Variants in HMCN2 observed in about 807,000 individuals in gnomAD.
The protein encoded by HMCN2 is hemicentin-2.
Under a neutral mutation model 377.5 loss-of-function variants are expected in HMCN2, and 325 were observed. That is an observed-to-expected ratio of 0.86 (90% confidence interval 0.79 to 0.94). The LOEUF is 0.94. Among genes scored for constraint, HMCN2 ranks in the 40% least tolerant of loss-of-function variants. HMCN2 has a pLI of 0.00. For missense variants in HMCN2, 4,543 were observed against 4,725.3 expected, an observed-to-expected ratio of 0.96 and a Z score of 1.13; for synonymous variants, 2,007 against 2,046.8, an observed-to-expected ratio of 0.98 and a Z score of 0.53.
rs1258567253 is a variant in HMCN2, at chr9:130,346,095, C to T, written c.3830-1071C>T. Among the ~76,000 whole-genome samples the T allele has an allele frequency of 5.3e-5, 8 of 152,188 alleles. No homozygotes were observed. In the South Asian group the frequency reaches 1.0e-3, roughly 20 times the overall value. ...GATGACCAGCGGTAGCAGCAGAAGG[C>T]GGGTGGGAGTGACGTGCCGATCTGC... On this transcript the variant is annotated intron_variant, in intron 25 of 97. Transcript: ENST00000683500.
Position 130,430,514 on chromosome 9 carries a change from GTC to G in HMCN2, c.14564_14565del (p.Leu4855ProfsTer30), listed in dbSNP as rs1399467726. On this transcript the variant is annotated frameshift_variant, in exon 95 of 98. Transcript: ENST00000683500. LOFTEE classifies it high-confidence loss of function. Reference protein sequence around the residue: ...SIPGTSYHAWVSLRPGPMALS... With the variant: ...SIPGTSYHAWXSLRPGPMALS... ...CCCCGGTACCTCCTACCACGCCTGG[GTC>G]TCTCTCCGTCCGGGTCCCATGGCCC... 4.5e-6 allele frequency: 7 copies of G among 1,550,470 alleles called. No individual in the cohort carries two copies. The Admixed American group carries it at 1.2e-4, about 26-fold the overall frequency.
intron 13 of HMCN2, 105 bp from the exon 14 acceptor site, chr9:130,307,348 G>A (rs1380484808): frequency 8.8e-6 from 4 of 452,892 alleles, no homozygotes; most frequent in Non-Finnish European, 1.8e-5. Context: ...CAAGGAGGCC[G>A]GTGTGGTGAG....
chr9:130,385,744 G>A lies in HMCN2; in HGVS notation c.9291G>A (p.Leu3097=), dbSNP rs1377083615. ...RTQALRGGQR[L]EIQEAQVSDK... ...AGGCTCTGCGGGGTGGGCAGAGGCT[G>A]GAGATCCAGGAAGCCCAGGTGAGCA... Residue 3097 remains leucine, a synonymous_variant, in exon 60 of 98, where the codon CTG becomes CTA. Transcript: ENST00000683500. 18 of 1,303,836 alleles carry A rather than the reference G, an allele frequency of 1.4e-5. No individual in the cohort carries two copies. Among genetic ancestry groups the A allele is most frequent in the Non-Finnish European group, 1.7e-5 (17 of 988,884 alleles). The allele number at this position is 1,303,836 out of a possible 1,614,324, so 80.8% of individuals were successfully genotyped here.
In HMCN2 at chr9:130,386,425, G is replaced by A; in HGVS notation, c.9310-18G>A. On this transcript the variant is annotated intron_variant, in intron 60 of 97. Coordinates refer to ENST00000683500, the MANE Select transcript of HMCN2 (RefSeq NM_001291815.2). ...TCCAGCTCCAGCACACAGCCACTGT[G>A]TGCTCTTCCTCTTTCAGGTATCGGA... The A allele has an allele frequency of 7.7e-7, 1 of 1,300,298 alleles. No homozygotes were observed. The highest frequency in any genetic ancestry group is 1.0e-6 in the Non-Finnish European group (1 of 986,636). The allele number at this position is 1,300,298 out of a possible 1,614,324, so 80.5% of individuals were successfully genotyped here. A position where few individuals can be genotyped will look rare whatever the true frequency, so the allele number is the denominator to read the frequency against.
rs75177940 is a variant in HMCN2 at position 130,423,007 on chromosome 9, C to T, written c.13381+281C>T. ...TGAAACGGTCAGTGTTCTGGGGGTG[C>T]GGGCGCTCAGATTGTGGTTTCCCAA... On this transcript the variant is annotated intron_variant, in intron 87 of 97. Coordinates refer to ENST00000683500, the MANE Select transcript of HMCN2 (RefSeq NM_001291815.2). This position sits in a 1 kb window ranked among gnomAD's most constrained non-coding sequence, Gnocchi z 5.5. 0.016 allele frequency among the ~76,000 whole-genome samples: 2,485 copies of T among 152,198 alleles called. 32 individuals are homozygous for T. Among genetic ancestry groups the T allele is most frequent in the East Asian group, 0.068 (353 of 5,176 alleles).
intron 4 of HMCN2, among the ~76,000 whole-genome samples, chr9:130,289,798 C>T (rs1554929364): frequency 1.3e-5 from 2 of 152,162 alleles, no homozygotes. Context: ...TGGCAAGGGG[C>T]AAAACCCCCT....
intron 22 of HMCN2, among the ~76,000 whole-genome samples, chr9:130,331,867 G>C (rs1309259446): frequency 6.6e-6 from 1 of 152,168 alleles, no homozygotes. Context: ...TAATCCCAGC[G>C]CGGTGTGGGG....
intron 25 of HMCN2, among the ~76,000 whole-genome samples, chr9:130,344,014 G>T (rs1839203161): frequency 6.6e-6 from 1 of 152,002 alleles, no homozygotes; most frequent in African/African-American, 2.4e-5. Flanking sequence ...TGGGGAGGGG[G>T]CGGCGTGAGG....
In HMCN2 at chr9:130,353,145, A is replaced by G. The variant is rs1438873602; in HGVS notation, c.4804A>G (p.Thr1602Ala). ...CCAGAGCTCCGATGCCGGCGTCTAC[A>G]CCTGCAAGGCCAGCAATGCTGTGGG... ...RAQSSDAGVYTCKASNAVGAA... is the reference protein window; with the variant it reads ...RAQSSDAGVYACKASNAVGAA... Residue 1602 changes from threonine (T) to alanine (A), a missense_variant, in exon 31 of 98, where the codon ACC (threonine) becomes GCC (alanine). Physicochemically the swap from Thr to Ala is moderately conservative, Grantham distance 58. Coordinates refer to ENST00000683500, the MANE Select transcript of HMCN2 (RefSeq NM_001291815.2). 7.7e-7 allele frequency: 1 copy of G among 1,304,150 alleles called. No homozygotes were observed. The highest frequency in any genetic ancestry group is 1.0e-6 in the Non-Finnish European group (1 of 988,934). The allele number at this position is 1,304,150 out of a possible 1,614,324, so 80.8% of individuals were successfully genotyped here.
chr9:130,372,959 T>C (rs1327512436), intron 47 of HMCN2, 79 bp from the exon 48 acceptor site: 1 of 256,734 alleles, frequency 3.9e-6, no homozygotes, highest in East Asian at 1.8e-4. Context: ...TGGCTTCTTG[T>C]TCTGTGATTG....
chr9:130,418,789 G>C lies in HMCN2; in HGVS notation c.12979G>C (p.Val4327Leu), dbSNP rs746623205. The change falls in exon 86 of 98, where the codon GTG (valine) becomes CTG (leucine). Residue 4327 changes from valine to leucine, a missense_variant. Val to Leu is a conservative substitution (Grantham distance 32). This residue lies in a region of HMCN2 where 1,155 missense variants were observed against 1,157.7 expected (regional missense o/e 1.00). Transcript: ENST00000683500. ...TCCCACAGGTGCTCCGGTGTTCCAGGTGGAGCCCCAGGACATGACAGTGAG... is the reference window on the plus strand; with the variant it reads ...TCCCACAGGTGCTCCGGTGTTCCAGCTGGAGCCCCAGGACATGACAGTGAG... ...LVLQSAPVFQ[V>L]EPQDMTVRSG... is the part of the protein sequence containing the mutation. The C allele has an allele frequency of 2.8e-6, 4 of 1,452,458 alleles. No individual in the cohort carries two copies. In the South Asian group the frequency reaches 5.8e-5, roughly 21 times the overall value. 90.0% of individuals were successfully genotyped at this position (1,452,458 alleles called of 1,614,324 possible).
At chr9:130,378,060 G>T (rs575046066) in intron 53 of HMCN2, among the ~76,000 whole-genome samples, 1 of 152,176 alleles carries the variant, frequency 6.6e-6, no homozygotes, top group East Asian at 2.0e-4. Context: ...GAGCCAGAAC[G>T]CCACACTCTT....
At chr9:130,328,751 G>C (rs1184754460) in intron 22 of HMCN2, among the ~76,000 whole-genome samples, 6 of 152,176 alleles carry the variant, frequency 3.9e-5, no homozygotes, top group African/African-American at 1.4e-4. Context: ...GTGGCCACTG[G>C]CTCCTCTTGG....
At chr9:130,411,214 A>G (rs1477600936) in intron 85 of HMCN2, among the ~76,000 whole-genome samples, 2 of 145,714 alleles carry the variant, frequency 1.4e-5, no homozygotes, top group East Asian at 2.0e-4. Context: ...CTGCCTCTTT[A>G]AAAAAAAAAA....
intron 13 of HMCN2, 116 bp from the exon 14 acceptor site, chr9:130,307,337 G>C: frequency 2.3e-6 from 1 of 443,924 alleles, no homozygotes; most frequent in Non-Finnish European, 4.7e-6. Context: ...TCCAGGGGCA[G>C]CAAGGAGGCC....
rs933241457 is a variant in HMCN2, at chr9:130,304,850, G to A, written c.1664G>A (p.Arg555Gln). 36 of 471,128 alleles carry A rather than the reference G, an allele frequency of 7.6e-5. No homozygotes were observed. The highest frequency in any genetic ancestry group is 6.2e-4 in the African/African-American group (31 of 50,214). The allele number at this position is 471,128 out of a possible 1,614,324, so 29.2% of individuals were successfully genotyped here. The change falls in exon 11 of 98, where the codon CGA (arginine) becomes CAA (glutamine). Residue 555 changes from arginine (R) to glutamine (Q), a missense_variant. Transcript: ENST00000683500. This position sits in a 1 kb window ranked among gnomAD's most constrained non-coding sequence, Gnocchi z 4.3. ...PYNLTWVRDW[R>Q]VLPASTGRVA... ...AACCTGACGTGGGTCCGGGACTGGC[G>A]AGTCCTGCCGGCCTCGACGGGCCGA...
rs782454491 is a variant in HMCN2 at position 130,303,914 on chromosome 9, C to T, written c.1543+306C>T. On this transcript the variant is annotated intron_variant, in intron 10 of 97. Coordinates refer to ENST00000683500, the MANE Select transcript of HMCN2 (RefSeq NM_001291815.2). The surrounding 1 kb of genome is among the most constrained non-coding windows in gnomAD (Gnocchi z 5.2). ...CAGGGGCCGCCATCCATCTCGTGGT[C>T]GGGACAACCTTCGTGCCTCCAAGTC... Among the ~76,000 whole-genome samples, 6 of 152,164 alleles carry T rather than the reference C, an allele frequency of 3.9e-5. No individual in the cohort carries two copies. The highest frequency in any genetic ancestry group is 7.3e-5 in the Non-Finnish European group (5 of 68,038).
chr9:130,411,598 C>CA (rs35719589), intron 85 of HMCN2, among the ~76,000 whole-genome samples: 77,161 of 97,594 alleles, frequency 0.79, 30,910 homozygotes, highest in East Asian at 0.89. Flanking sequence ...GACTCAATCT[C>CA]AAAAAAAAAA....
At chr9:130,356,380 C>A in intron 34 of HMCN2, 123 bp downstream of exon 34, 1 of 972,212 alleles carries the variant, frequency 1.0e-6, no homozygotes, top group Non-Finnish European at 1.3e-6. Context: ...CGTTTCTGGG[C>A]TGGACTTCCC....
Sources: allele counts gnomAD v4.1 joint callset (sites outside exome capture counted in the v4.1 genomes callset), GRCh38; gene constraint gnomAD v4.1.1; regional missense constraint gnomAD v4.1.1; non-coding constraint Gnocchi (gnomAD v3.1); transcripts MANE v1.5; gene names NCBI Gene and HGNC (gene_info 2026-07-23, HGNC 2026-07-21).